Variants in GALNTL6 observed in about 807,000 individuals in gnomAD.
The protein encoded by GALNTL6 is polypeptide N-acetylgalactosaminyltransferase like 6.
A neutral mutation model predicts 73.7 loss-of-function variants in GALNTL6; 46 were observed. The ratio of observed to expected loss-of-function variants is 0.62; its 90% CI spans 0.49 to 0.80. The LOEUF (loss-of-function observed/expected upper bound fraction) is 0.80, where lower values mean the gene tolerates loss of function less well. Among genes scored for constraint, GALNTL6 ranks in the 30% least tolerant of loss-of-function variants. The probability of loss-of-function intolerance (pLI) is 0.00; values close to 1 mark genes in which losing one functional copy is unlikely to be tolerated. For missense variants in GALNTL6, 604 were observed against 755.0 expected, an observed-to-expected ratio of 0.80 and a Z score of 2.34; for synonymous variants, 259 against 263.7, an observed-to-expected ratio of 0.98 and a Z score of 0.17.
rs552743318 is a variant in GALNTL6, at chr4:172,353,727, A to G, written c.553+5038A>G. ...CAAGGAAAAAATATTATATATATAT[A>G]TGTGTATATACAATATGTATGTATA... is the stretch of plus-strand genomic sequence containing the variant. On this transcript the variant is annotated intron_variant, in intron 5 of 12. Coordinates refer to ENST00000506823, the MANE Select transcript of GALNTL6 (RefSeq NM_001034845.3). Among the ~76,000 whole-genome samples, 135 of 151,958 alleles carry G rather than the reference A, an allele frequency of 8.9e-4. 3 individuals are homozygous for G. The South Asian group carries it at 0.027, about 30-fold the overall frequency.
intron 5 of GALNTL6, among the ~76,000 whole-genome samples, chr4:172,746,379 A>G (rs1341116947): frequency 2.0e-5 from 3 of 152,122 alleles, no homozygotes; most frequent in Admixed American, 1.3e-4. Context: ...GTGTTCAAAC[A>G]TATTAGTAAC....
chr4:172,540,084 C>A (rs1369499924), intron 5 of GALNTL6, among the ~76,000 whole-genome samples: 3 of 139,932 alleles, frequency 2.1e-5, no homozygotes, highest in African/African-American at 8.0e-5. Context: ...GAGTGTCTTG[C>A]TCTGTCACCA....
chr4:171,997,641 C>T (rs1279355926), intron 2 of GALNTL6, among the ~76,000 whole-genome samples: 1 of 152,064 alleles, frequency 6.6e-6, no homozygotes, highest in Non-Finnish European at 1.5e-5. Flanking sequence ...TTTAAAAAAT[C>T]ATTAAGTCAC....
At chr4:172,366,101 C>T (rs1039154060) in intron 5 of GALNTL6, among the ~76,000 whole-genome samples, 4 of 152,144 alleles carry the variant, frequency 2.6e-5, no homozygotes, top group African/African-American at 4.8e-5. Flanking sequence ...TACCAAAGGT[C>T]ATATTCCTAC....
At chr4:172,585,023 T>C (rs1479584096) in intron 5 of GALNTL6, among the ~76,000 whole-genome samples, 5 of 152,176 alleles carry the variant, frequency 3.3e-5, no homozygotes, top group African/African-American at 1.2e-4. Context: ...TAAAATGCAC[T>C]GTTTCTAGTA....
chr4:172,495,118 G>T (rs1734027266), intron 5 of GALNTL6, among the ~76,000 whole-genome samples: 1 of 152,098 alleles, frequency 6.6e-6, no homozygotes, highest in Non-Finnish European at 1.5e-5. Context: ...CAATCAGAGT[G>T]GATGCCTGGC....
chr4:172,444,032 A>G (rs1731932529), intron 5 of GALNTL6, among the ~76,000 whole-genome samples: 1 of 152,218 alleles, frequency 6.6e-6, no homozygotes, highest in South Asian at 2.1e-4. Flanking sequence ...CTGCTTTGGT[A>G]ATCGAGGCAA....
intron 5 of GALNTL6, among the ~76,000 whole-genome samples, chr4:172,624,836 G>A (rs1405906465): frequency 6.7e-6 from 1 of 149,468 alleles, no homozygotes; most frequent in Non-Finnish European, 1.5e-5. Context: ...TTTATATTCA[G>A]TGAGTACATG....
At chr4:172,539,904 TATAA>T (rs550784933) in intron 5 of GALNTL6, among the ~76,000 whole-genome samples, 7,202 of 122,240 alleles carry the variant, frequency 0.059, 323 homozygotes, top group African/African-American at 0.16. Flanking sequence ...TATATATATA[TATAA>T]AAAATCTCAT....
intron 5 of GALNTL6, among the ~76,000 whole-genome samples, chr4:172,473,651 C>T (rs112486576): frequency 0.025 from 3,783 of 152,250 alleles, 157 homozygotes; most frequent in African/African-American, 0.083. Flanking sequence ...GTGTTTTCCT[C>T]CTATGTCTGT....
chr4:172,440,309 A>G (rs1561084048), intron 5 of GALNTL6, among the ~76,000 whole-genome samples: 1 of 152,104 alleles, frequency 6.6e-6, no homozygotes, highest in Non-Finnish European at 1.5e-5. Context: ...TGCTAAAAAG[A>G]TATGAAATAC....
At chr4:172,531,047 G>T (rs338042) in intron 5 of GALNTL6, among the ~76,000 whole-genome samples, 150,216 of 152,252 alleles carry the variant, frequency 0.99, 74,136 homozygotes, top group Middle Eastern at 1. Context: ...ACTTAAATTG[G>T]TTTGTATTTA....
intron 5 of GALNTL6, among the ~76,000 whole-genome samples, chr4:172,481,497 A>G (rs541034029): frequency 6.7e-6 from 1 of 149,166 alleles, no homozygotes; most frequent in South Asian, 2.1e-4. Context: ...TGATTGGCCT[A>G]TTTTACAGAG....
chr4:172,784,342 A>C (rs1739535474), intron 5 of GALNTL6, among the ~76,000 whole-genome samples: 1 of 152,140 alleles, frequency 6.6e-6, no homozygotes, highest in African/African-American at 2.4e-5. Flanking sequence ...AAAATATCAA[A>C]ACAATAATAA....
intron 5 of GALNTL6, among the ~76,000 whole-genome samples, chr4:172,482,246 C>T (rs1334498466): frequency 1.3e-5 from 2 of 152,194 alleles, no homozygotes; most frequent in African/African-American, 4.8e-5. Context: ...TTCCCACCTG[C>T]GCCTCTCCCT....
At chr4:172,072,184 C>T (rs77116770) in intron 2 of GALNTL6, among the ~76,000 whole-genome samples, 14,869 of 152,026 alleles carry the variant, frequency 0.098, 923 homozygotes, top group Admixed American at 0.19. Flanking sequence ...CTGAGAAGCC[C>T]GATGTGATCT....
At chr4:172,403,280 A>T (rs1744103661) in intron 5 of GALNTL6, among the ~76,000 whole-genome samples, 2 of 152,030 alleles carry the variant, frequency 1.3e-5, no homozygotes, top group South Asian at 4.1e-4. Flanking sequence ...ATTTACACTG[A>T]TTCTGAAATT....
chr4:171,832,037 A>G (rs1454858812), intron 2 of GALNTL6, among the ~76,000 whole-genome samples: 1 of 151,388 alleles, frequency 6.6e-6, no homozygotes, highest in African/African-American at 2.4e-5. Flanking sequence ...TCTTATGGTA[A>G]TATCTTTGAT....
At chr4:172,625,449 G>A (rs575057566) in intron 5 of GALNTL6, among the ~76,000 whole-genome samples, 26 of 151,884 alleles carry the variant, frequency 1.7e-4, no homozygotes, top group African/African-American at 4.6e-4. Flanking sequence ...TTGATTCTAC[G>A]TGTCTTTGCT....
Sources: gnomAD v4.1 joint callset for allele counts (sites outside exome capture counted in the v4.1 genomes callset) on GRCh38, gnomAD v4.1.1 for gene constraint, MANE v1.5 for transcripts, NCBI Gene and HGNC (gene_info 2026-07-23, HGNC 2026-07-21) for gene names.